Variants in TFAP2D observed in about 807,000 individuals in gnomAD.
TFAP2D encodes the protein transcription factor AP-2 delta, also known as transcription factor AP-2-delta.
Under a neutral mutation model 43.6 loss-of-function variants are expected in TFAP2D, and 9 were observed. That is an observed-to-expected ratio of 0.21 (90% CI 0.12 to 0.36). TFAP2D has a LOEUF of 0.36. Ranked by LOEUF, TFAP2D falls within the 10% of genes least tolerant of loss-of-function variation. The probability of loss-of-function intolerance (pLI) is 1.00; values close to 1 mark genes in which losing one functional copy is unlikely to be tolerated. For missense variants in TFAP2D, 513 were observed against 561.4 expected (o/e 0.91, Z 0.87); for synonymous variants, 256 against 224.9 (o/e 1.14, Z -1.24).
Position 50,745,232 on chromosome 6 carries a change from A to G in TFAP2D, c.1009A>G (p.Met337Val). 1.9e-6 allele frequency: 3 copies of G among 1,613,614 alleles called. No homozygotes were observed. Among genetic ancestry groups the G allele is most frequent in the Non-Finnish European group, 1.7e-6 (2 of 1,179,696 alleles). ...EQKEQTARKK[M>V]ILATKQICKE... ...GAAAGAACAGACAGCAAGAAAAAAGATGATCCTGGCGACCAAGTAAGCAGA... is the reference window on the plus strand; with the variant it reads ...GAAAGAACAGACAGCAAGAAAAAAGGTGATCCTGGCGACCAAGTAAGCAGA... Residue 337 changes from methionine (M) to valine (V), a missense_variant, in exon 6 of 8, where the codon ATG becomes GTG. Met to Val is a conservative substitution (Grantham distance 21). Coordinates refer to ENST00000008391, the MANE Select transcript of TFAP2D (RefSeq NM_172238.4).
At chr6:50,739,833 C>T (rs1051401510) in intron 5 of TFAP2D, among the ~76,000 whole-genome samples, 1 of 152,104 alleles carries the variant, frequency 6.6e-6, no homozygotes, top group Non-Finnish European at 1.5e-5. Context: ...GTGCTAAGTG[C>T]AGGATATTGA....
intron 7 of TFAP2D, among the ~76,000 whole-genome samples, chr6:50,759,062 T>C (rs540756762): frequency 1.3e-5 from 2 of 152,152 alleles, no homozygotes; most frequent in South Asian, 4.1e-4. Context: ...GTTAAAACAA[T>C]AGAAGCCAGA....
At chr6:50,743,493 G>A (rs1023848753) in intron 5 of TFAP2D, among the ~76,000 whole-genome samples, 15 of 151,808 alleles carry the variant, frequency 9.9e-5, no homozygotes, top group East Asian at 3.9e-4. Flanking sequence ...GCAATCCTCC[G>A]GCCTCAGACT....
At chr6:50,727,670 C>G (rs1768828387) in intron 3 of TFAP2D, among the ~76,000 whole-genome samples, 1 of 152,190 alleles carries the variant, frequency 6.6e-6, no homozygotes, top group African/African-American at 2.4e-5. Context: ...TCTTTTCTCT[C>G]ATAGAACTTG....
At chr6:50,744,336 A>T (rs1769094908) in intron 5 of TFAP2D, among the ~76,000 whole-genome samples, 1 of 152,140 alleles carries the variant, frequency 6.6e-6, no homozygotes, top group African/African-American at 2.4e-5. Context: ...ACTTAGGATA[A>T]TGGCCTCCAG....
chr6:50,760,587 G>A (rs58277627), intron 7 of TFAP2D, among the ~76,000 whole-genome samples: 2,344 of 152,064 alleles, frequency 0.015, 56 homozygotes, highest in African/African-American at 0.051. Flanking sequence ...CTTTAATTGT[G>A]TATCTTAATT....
At chr6:50,720,447 A>G (rs1329080572) in intron 3 of TFAP2D, among the ~76,000 whole-genome samples, 5 of 151,576 alleles carry the variant, frequency 3.3e-5, no homozygotes, top group African/African-American at 1.2e-4. Context: ...AATTTAAAAG[A>G]GCTGCTCAAC....
intron 7 of TFAP2D, among the ~76,000 whole-genome samples, chr6:50,757,133 G>A (rs151336171): frequency 5.3e-5 from 8 of 151,172 alleles, no homozygotes; most frequent in East Asian, 3.9e-4. Flanking sequence ...TGTTGTTTGC[G>A]TTATTTCTAG....
chr6:50,762,133 C>T (rs914996582), intron 7 of TFAP2D, among the ~76,000 whole-genome samples: 1 of 152,100 alleles, frequency 6.6e-6, no homozygotes, highest in African/African-American at 2.4e-5. Context: ...TTTCCAACAG[C>T]AGTCTCTTTT....
At chr6:50,716,104 G>C (rs1768623979) in intron 2 of TFAP2D, among the ~76,000 whole-genome samples, 1 of 152,156 alleles carries the variant, frequency 6.6e-6, no homozygotes, top group Non-Finnish European at 1.5e-5. Context: ...AGCTTGTGGA[G>C]ATCTTACTAC....
intron 7 of TFAP2D, 111 bp from the exon 8 acceptor site, chr6:50,772,534 C>T: frequency 1.1e-6 from 1 of 912,768 alleles, no homozygotes; most frequent in Non-Finnish European, 1.7e-6. Context: ...CATTTAGGAA[C>T]ACAATGAATA....
intron 1 of TFAP2D, among the ~76,000 whole-genome samples, chr6:50,714,714 G>C (rs796189498): frequency 2.6e-5 from 4 of 152,102 alleles, no homozygotes; most frequent in African/African-American, 9.7e-5. Flanking sequence ...CTCTTTTCGG[G>C]TGGACTCGTT....
chr6:50,744,443 A>AAT (rs1336172545), intron 5 of TFAP2D, among the ~76,000 whole-genome samples: 1 of 151,128 alleles, frequency 6.6e-6, no homozygotes, highest in African/African-American at 2.4e-5. Context: ...TGATTTTTTA[A>AAT]ATAAAAGTTT....
intron 7 of TFAP2D, among the ~76,000 whole-genome samples, chr6:50,763,216 C>T (rs2113893137): frequency 6.6e-6 from 1 of 152,124 alleles, no homozygotes; most frequent in South Asian, 2.1e-4. Flanking sequence ...TTAATACCAG[C>T]CATTAAGCTA....
At chr6:50,751,139 G>C in intron 6 of TFAP2D, 72 bp from the exon 7 acceptor site, 1 of 1,068,852 alleles carries the variant, frequency 9.4e-7, no homozygotes, top group Non-Finnish European at 1.4e-6. Flanking sequence ...CAAGCCTTTG[G>C]TTAAATATCA....
intron 7 of TFAP2D, among the ~76,000 whole-genome samples, chr6:50,770,294 C>T (rs1769505735): frequency 6.6e-6 from 1 of 152,194 alleles, no homozygotes; most frequent in Admixed American, 6.5e-5. Context: ...AATGCAAGAC[C>T]TTGTAGCAGA....
At chr6:50,751,991 T>C (rs1769207133) in intron 7 of TFAP2D, among the ~76,000 whole-genome samples, 1 of 151,998 alleles carries the variant, frequency 6.6e-6, no homozygotes, top group South Asian at 2.1e-4. Context: ...TCTTTTAAAT[T>C]GTTTTTTATC....
intron 5 of TFAP2D, among the ~76,000 whole-genome samples, chr6:50,731,405 G>A (rs185011554): frequency 2.7e-3 from 411 of 151,664 alleles, no homozygotes; most frequent in Non-Finnish European, 4.9e-3. Flanking sequence ...GATCTTTTGC[G>A]CCCTTCCGCT....
intron 5 of TFAP2D, among the ~76,000 whole-genome samples, chr6:50,740,511 G>A (rs1219705752): frequency 2.6e-5 from 4 of 152,096 alleles, no homozygotes; most frequent in African/African-American, 9.7e-5. Flanking sequence ...TCAGCTCACT[G>A]CAACTTCCGC....
Sources: gnomAD v4.1 joint callset for allele counts (sites outside exome capture counted in the v4.1 genomes callset) on GRCh38, gnomAD v4.1.1 for gene constraint, MANE v1.5 for transcripts, NCBI Gene and HGNC (gene_info 2026-07-23, HGNC 2026-07-21) for gene names.